The following TAFA4 variants were observed in gnomAD, a reference collection of about 807,000 sequenced individuals.
TAFA4 encodes the protein TAFA chemokine like family member 4, also known as chemokine-like protein TAFA-4.
Under a neutral mutation model 21.1 loss-of-function variants are expected in TAFA4, and 20 were observed. That is an observed-to-expected ratio of 0.95 (90% CI 0.67 to 1.38). TAFA4 has a LOEUF of 1.38. TAFA4 is among the 40% of genes most tolerant of loss of function. The probability of loss-of-function intolerance (pLI) is 0.00; values close to 1 mark genes in which losing one functional copy is unlikely to be tolerated. For missense variants in TAFA4, 211 were observed against 180.9 expected, an observed-to-expected ratio of 1.17 and a Z score of -0.95; for synonymous variants, 71 against 67.4, an observed-to-expected ratio of 1.05 and a Z score of -0.26.
At chr3:68,811,432 A>G (rs933987632) in intron 3 of TAFA4, among the ~76,000 whole-genome samples, 7 of 152,186 alleles carry the variant, frequency 4.6e-5, no homozygotes, top group Admixed American at 1.3e-4. Context: ...TGAAAACAAA[A>G]TTAGAAGAAT....
rs561321565 is a variant in TAFA4 at position 68,920,549 on chromosome 3, G to A, written c.-123+11691C>T. ...TGTATACTAAATATTTTAAATATGC[G>A]CAGAAGCCCAAACTCTTCATAGTAT... On this transcript the variant is annotated intron_variant, in intron 1 of 5. Coordinates refer to ENST00000295569, the MANE Select transcript of TAFA4 (RefSeq NM_182522.5). 7.7e-4 allele frequency among the ~76,000 whole-genome samples: 117 copies of A among 151,836 alleles called. 2 individuals carry two copies. The highest frequency in any genetic ancestry group is 6.3e-3 in the Admixed American group (96 of 15,264).
intron 3 of TAFA4, among the ~76,000 whole-genome samples, chr3:68,784,053 T>C: frequency 6.6e-6 from 1 of 152,180 alleles, no homozygotes; most frequent in East Asian, 1.9e-4. Context: ...TAAGAAAAGG[T>C]TAAGAATCCA....
chr3:68,832,732 G>A (rs1704429662), intron 3 of TAFA4, among the ~76,000 whole-genome samples: 1 of 152,234 alleles, frequency 6.6e-6, no homozygotes, highest in Non-Finnish European at 1.5e-5. Context: ...GTCAGGCAGT[G>A]ACGTTTAAGT....
At chr3:68,919,059 C>G (rs7641614) in intron 1 of TAFA4, among the ~76,000 whole-genome samples, 40,546 of 152,068 alleles carry the variant, frequency 0.27, 5,919 homozygotes, top group African/African-American at 0.39. Flanking sequence ...AATTCTGTCA[C>G]CTTCCCTGCA....
chr3:68,828,035 A>T (rs901605503), intron 3 of TAFA4, among the ~76,000 whole-genome samples: 3 of 152,156 alleles, frequency 2.0e-5, no homozygotes, highest in African/African-American at 7.2e-5. Flanking sequence ...TAAGTCTTTA[A>T]TCCATCTTGA....
At chr3:68,885,106 C>T in intron 2 of TAFA4, 69 bp downstream of exon 2, 4 of 1,488,440 alleles carry the variant, frequency 2.7e-6, no homozygotes, top group Non-Finnish European at 3.7e-6. Flanking sequence ...CTCCAGGATA[C>T]TCACTTTTGC....
At position 68,762,313 on chromosome 3, in the gene TAFA4, A is replaced by C. The variant is rs1262788689; in HGVS notation, c.131-9295T>G. Among the ~76,000 whole-genome samples the C allele has an allele frequency of 6.6e-5, 10 of 152,178 alleles. No homozygotes were observed. In the East Asian group the frequency reaches 1.9e-3, roughly 29 times the overall value. ...ACAATAACTATAATGACTATTTGAG[A>C]AATGGTGTTATCAAGGCAAGGAGAG... On this transcript the variant is annotated intron_variant, in intron 3 of 5. Coordinates refer to ENST00000295569, the MANE Select transcript of TAFA4 (RefSeq NM_182522.5).
chr3:68,773,267 G>A (rs1383575527), intron 3 of TAFA4, among the ~76,000 whole-genome samples: 2 of 152,070 alleles, frequency 1.3e-5, no homozygotes, highest in Non-Finnish European at 2.9e-5. Flanking sequence ...ACTCAGCAAA[G>A]CTCTATATGT....
chr3:68,800,607 T>A (rs1703556229), intron 3 of TAFA4, among the ~76,000 whole-genome samples: 1 of 151,974 alleles, frequency 6.6e-6, no homozygotes, highest in Admixed American at 6.6e-5. Flanking sequence ...ACTTAGAGAG[T>A]GTGAGTTCTC....
At chr3:68,815,446 T>C (rs995083511) in intron 3 of TAFA4, among the ~76,000 whole-genome samples, 4 of 151,874 alleles carry the variant, frequency 2.6e-5, no homozygotes, top group Non-Finnish European at 5.9e-5. Flanking sequence ...GAATCTACAA[T>C]AAACTCAAAC....
chr3:68,889,536 G>C (rs1248008568), intron 1 of TAFA4, among the ~76,000 whole-genome samples: 1 of 152,092 alleles, frequency 6.6e-6, no homozygotes, highest in Non-Finnish European at 1.5e-5. Flanking sequence ...AGCACCTTCA[G>C]AATACCTCTT....
intron 3 of TAFA4, among the ~76,000 whole-genome samples, chr3:68,867,653 A>C (rs983765964): frequency 6.6e-6 from 1 of 152,172 alleles, no homozygotes; most frequent in African/African-American, 2.4e-5. Flanking sequence ...CAATATTAAA[A>C]GATGAAAATT....
intron 4 of TAFA4, among the ~76,000 whole-genome samples, chr3:68,740,628 A>G (rs952962208): frequency 6.6e-6 from 1 of 152,120 alleles, no homozygotes; most frequent in African/African-American, 2.4e-5. Context: ...AATATTTTCT[A>G]CCATTCTCTA....
At chr3:68,923,366 G>T (rs1439612775) in intron 1 of TAFA4, among the ~76,000 whole-genome samples, 1 of 151,944 alleles carries the variant, frequency 6.6e-6, no homozygotes, top group Non-Finnish European at 1.5e-5. Context: ...GCTGTGTTTT[G>T]GGTGGGAAGG....
chr3:68,880,678 T>G, intron 3 of TAFA4, 52 bp downstream of exon 3: 13 of 1,447,772 alleles, frequency 9.0e-6, no homozygotes, highest in Non-Finnish European at 1.2e-5. Flanking sequence ...GACTCTGACA[T>G]TTGGAGGGGT....
rs1339328337 is a variant in TAFA4 at position 68,732,257 on chromosome 3, G to A, written c.*885C>T. ...ACAGTCTAAAAATTCAGCACTGAAA[G>A]ACTCCTGTCTCGGAGTTAAAATCTT... On this transcript the variant is annotated 3_prime_UTR_variant, in exon 6 of 6. Coordinates refer to ENST00000295569, the MANE Select transcript of TAFA4 (RefSeq NM_182522.5). The A allele has an allele frequency of 2.0e-5, 3 of 152,548 alleles. No homozygotes were observed. The highest frequency in any genetic ancestry group is 7.2e-5 in the African/African-American group (3 of 41,440). 9.4% of individuals were successfully genotyped at this position (152,548 alleles called of 1,614,324 possible). A position where few individuals can be genotyped will look rare whatever the true frequency, so the allele number is the denominator to read the frequency against.
At chr3:68,765,728 T>C (rs1224944019) in intron 3 of TAFA4, among the ~76,000 whole-genome samples, 2 of 152,162 alleles carry the variant, frequency 1.3e-5, no homozygotes. Context: ...AAGAGCAAAG[T>C]ACAGAAGTGG....
chr3:68,750,957 G>A (rs1437868090), intron 4 of TAFA4, among the ~76,000 whole-genome samples: 1 of 152,120 alleles, frequency 6.6e-6, no homozygotes, highest in African/African-American at 2.4e-5. Flanking sequence ...CATACTAACT[G>A]GAAGGCATAC....
chr3:68,773,253 T>C (rs1009058661), intron 3 of TAFA4, among the ~76,000 whole-genome samples: 2 of 152,154 alleles, frequency 1.3e-5, no homozygotes, highest in Non-Finnish European at 2.9e-5. Flanking sequence ...GAATGACTCA[T>C]CGAACTCAGC....
Sources: allele counts gnomAD v4.1 joint callset (sites outside exome capture counted in the v4.1 genomes callset), GRCh38; gene constraint gnomAD v4.1.1; transcripts MANE v1.5; gene names NCBI Gene and HGNC (gene_info 2026-07-23, HGNC 2026-07-21).